The following CFAP57 variants were observed in gnomAD, a reference collection of about 807,000 sequenced individuals.
The protein encoded by CFAP57 is cilia- and flagella-associated protein 57.
A neutral mutation model predicts 146.8 loss-of-function variants in CFAP57; 116 were observed. The observed-to-expected ratio is 0.79, with a 90% CI of 0.68 to 0.92. CFAP57 has a LOEUF of 0.92. Ranked by LOEUF, CFAP57 falls within the 40% of genes least tolerant of loss-of-function variation. CFAP57 has a pLI of 0.00. For synonymous variants in CFAP57, 518 were observed against 552.8 expected (o/e 0.94, Z 0.88); for missense variants, 1,377 against 1,527.2 (o/e 0.90, Z 1.64).
At position 43,192,739 on chromosome 1, in the gene CFAP57, A is replaced by G. The variant is rs145630764; in HGVS notation, c.1123-4814A>G. On this transcript the variant is annotated intron_variant, in intron 6 of 22. Coordinates refer to ENST00000372492, the MANE Select transcript of CFAP57 (RefSeq NM_001378189.1). ...CGAGAGGTCGAGACCAGCCTGACCAACATGGCGAAACCCAGTCTCTATTAA... is the reference window on the plus strand; with the variant it reads ...CGAGAGGTCGAGACCAGCCTGACCAGCATGGCGAAACCCAGTCTCTATTAA... 5.8e-3 allele frequency among the ~76,000 whole-genome samples: 881 copies of G among 151,792 alleles called. 6 individuals carry two copies. Among genetic ancestry groups the G allele is most frequent in the African/African-American group, 0.021 (856 of 41,362 alleles).
chr1:43,183,801 C>T lies in CFAP57; in HGVS notation c.685C>T (p.Arg229Cys), dbSNP rs774485511. ...KLFLFESGDQRWETSIMVKEP... is the reference protein window; with the variant it reads ...KLFLFESGDQCWETSIMVKEP... ...CTTCCTCTTTGAATCTGGAGATCAG[C>T]GTTGGGAGACCAGCATAATGGTCAA... The change falls in exon 4 of 23, where the codon CGT (arginine) becomes TGT (cysteine). Residue 229 changes from arginine to cysteine, a missense_variant. By Grantham distance (180) the Arg-to-Cys change is radical (BLOSUM62 -3). Coordinates refer to ENST00000372492, the MANE Select transcript of CFAP57 (RefSeq NM_001378189.1). 1.9e-5 allele frequency: 30 copies of T among 1,614,184 alleles called. No homozygotes were observed. The South Asian group carries it at 2.7e-4, about 15-fold the overall frequency.
chr1:43,191,609 A>T (rs1406077484), intron 6 of CFAP57, among the ~76,000 whole-genome samples: 1 of 140,004 alleles, frequency 7.1e-6, no homozygotes, highest in Non-Finnish European at 1.6e-5. Flanking sequence ...AAAAAAAAGT[A>T]ATATTCCCTC....
At chr1:43,179,113 C>T (rs1645284620) in intron 2 of CFAP57, among the ~76,000 whole-genome samples, 1 of 151,962 alleles carries the variant, frequency 6.6e-6, no homozygotes, top group Admixed American at 6.6e-5. Context: ...GGAAAGGGAA[C>T]ATCACACACC....
intron 22 of CFAP57, chr1:43,250,492 T>C (rs548807619): frequency 6.6e-6 from 1 of 152,326 alleles, no homozygotes; most frequent in East Asian, 1.9e-4. Context: ...TCCATCCCAC[T>C]TTTCCATTCA....
At chr1:43,228,167 C>T (rs80078040) in intron 18 of CFAP57, among the ~76,000 whole-genome samples, 347 of 152,290 alleles carry the variant, frequency 2.3e-3, no homozygotes, top group African/African-American at 8.1e-3. Context: ...CCTGCGTGAT[C>T]CAGCCTCTCC....
chr1:43,223,538 T>C (rs943073139), intron 16 of CFAP57, among the ~76,000 whole-genome samples: 6 of 152,126 alleles, frequency 3.9e-5, no homozygotes, highest in Non-Finnish European at 7.4e-5. Context: ...CAACTCAGTT[T>C]CCCCAAAACA....
intron 11 of CFAP57, among the ~76,000 whole-genome samples, chr1:43,213,158 G>A (rs968801826): frequency 3.3e-5 from 5 of 151,736 alleles, no homozygotes; most frequent in East Asian, 1.9e-4. Flanking sequence ...CATGATCTCC[G>A]CTCACTGCAA....
chr1:43,222,809 C>T lies in CFAP57; in HGVS notation c.2533-15C>T. ...CCCTTCTCCCCTGACCACACGCCCA[C>T]TCTCTCTGAGCCAGGCACAGGAAGA... On this transcript the variant is annotated splice_polypyrimidine_tract_variant and intron_variant, in intron 15 of 22. Coordinates refer to ENST00000372492, the MANE Select transcript of CFAP57 (RefSeq NM_001378189.1). 2 of 1,526,766 alleles carry T rather than the reference C, an allele frequency of 1.3e-6. No individual in the cohort carries two copies. The highest frequency in any genetic ancestry group is 1.8e-6 in the Non-Finnish European group (2 of 1,135,210). 94.6% of individuals were successfully genotyped at this position (1,526,766 alleles called of 1,614,324 possible).
intron 4 of CFAP57, among the ~76,000 whole-genome samples, chr1:43,184,079 A>AT (rs1448752779): frequency 6.6e-6 from 1 of 152,180 alleles, no homozygotes; most frequent in Non-Finnish European, 1.5e-5. Flanking sequence ...AATTCTTTTT[A>AT]TTTTTTATAC....
In CFAP57 at chr1:43,185,369, G is replaced by T. The variant is rs1283021477; in HGVS notation, c.969+13G>T. 10 of 1,611,896 alleles carry T rather than the reference G, an allele frequency of 6.2e-6. No individual in the cohort carries two copies. The highest frequency in any genetic ancestry group is 1.3e-5 in the African/African-American group (1 of 74,734). On this transcript the variant is annotated intron_variant, in intron 5 of 22. Transcript: ENST00000372492. Reference sequence around the variant, plus strand: ...CAGAGAAATCAGGGTAAGGCGGGAAGAAAAAAAAGAAGTAAAATGGGGGTC... The same window carrying T: ...CAGAGAAATCAGGGTAAGGCGGGAATAAAAAAAAGAAGTAAAATGGGGGTC...
Position 43,194,698 on chromosome 1 carries a change from C to A in CFAP57, c.1123-2855C>A, listed in dbSNP as rs1643749459. ...TTTTGATCTATAAAGTTCACTAATTCTTCTGCCAGTTCAGATCTATTCTTG... is the reference window on the plus strand; with the variant it reads ...TTTTGATCTATAAAGTTCACTAATTATTCTGCCAGTTCAGATCTATTCTTG... On this transcript the variant is annotated intron_variant, in intron 6 of 22. Coordinates refer to ENST00000372492, the MANE Select transcript of CFAP57 (RefSeq NM_001378189.1). The A allele has an allele frequency of 2.6e-5, 4 of 152,218 alleles. No individual in the cohort carries two copies. The South Asian group carries it at 6.2e-4, about 24-fold the overall frequency. 9.4% of individuals were successfully genotyped at this position (152,218 alleles called of 1,614,324 possible).
At chr1:43,189,717 G>C (rs982119272) in intron 6 of CFAP57, among the ~76,000 whole-genome samples, 3 of 152,208 alleles carry the variant, frequency 2.0e-5, no homozygotes, top group Non-Finnish European at 4.4e-5. Context: ...ATTGGCTCAT[G>C]GTTCTGCAGG....
chr1:43,247,318 A>C lies in CFAP57; in HGVS notation c.3538+3959A>C, dbSNP rs2124680045. ...GAGACTACCATGTTACCCAGAGCCC[A>C]AAAAACCACATGATGAATATTTTAT... On this transcript the variant is annotated intron_variant, in intron 22 of 22. Transcript: ENST00000372492. Among the ~76,000 whole-genome samples, 3 of 152,358 alleles carry C rather than the reference A, an allele frequency of 2.0e-5. No individual in the cohort carries two copies. In the South Asian group the frequency reaches 6.2e-4, roughly 32 times the overall value.
At chr1:43,222,427 G>A in intron 15 of CFAP57, 132 bp downstream of exon 15, 1 of 764,262 alleles carries the variant, frequency 1.3e-6, no homozygotes, top group Non-Finnish European at 1.9e-6. Flanking sequence ...CTACCCCCAA[G>A]GAACTTATAT....
intron 9 of CFAP57, among the ~76,000 whole-genome samples, chr1:43,203,426 T>C (rs1644219874): frequency 6.6e-6 from 1 of 151,456 alleles, no homozygotes; most frequent in Admixed American, 6.6e-5. Context: ...GAAAAAAAAA[T>C]AAGCTAGTCT....
chr1:43,218,789 TTGTC>T (rs912275470), intron 12 of CFAP57, among the ~76,000 whole-genome samples: 2 of 152,130 alleles, frequency 1.3e-5, no homozygotes, highest in African/African-American at 4.8e-5. Context: ...AATAATGTGT[TTGTC>T]TGGCTGCCTC....
intron 6 of CFAP57, among the ~76,000 whole-genome samples, chr1:43,189,300 G>A (rs887507977): frequency 6.6e-6 from 1 of 152,132 alleles, no homozygotes; most frequent in Non-Finnish European, 1.5e-5. Context: ...GATCCTCACC[G>A]GGATTGCATT....
rs768591411 is a variant in CFAP57 at position 43,232,595 on chromosome 1, G to T, written c.3097G>T (p.Asp1033Tyr). 2 of 1,548,312 alleles carry T rather than the reference G, an allele frequency of 1.3e-6. No homozygotes were observed. Among genetic ancestry groups the T allele is most frequent in the East Asian group, 4.9e-5 (2 of 40,902 alleles). The part of the protein sequence containing the change: ...TELWQKLRAT[D>Y]QEMRRERQKE... ...ATTGTGGCAGAAACTGAGAGCCACC[G>T]ATCAGGAGATGCGCAGAGAGAGACA... The change falls in exon 19 of 23, where the codon GAT (aspartate) becomes TAT (tyrosine). Residue 1033 changes from aspartate (D) to tyrosine (Y), a missense_variant. By Grantham distance (160) the Asp-to-Tyr change is radical. Coordinates refer to ENST00000372492, the MANE Select transcript of CFAP57 (RefSeq NM_001378189.1).
chr1:43,214,769 T>C (rs1332837594), intron 11 of CFAP57, among the ~76,000 whole-genome samples: 2 of 152,222 alleles, frequency 1.3e-5, no homozygotes, highest in African/African-American at 4.8e-5. Context: ...TTTCTCTGCA[T>C]CATTGCCAGC....
Sources: gnomAD v4.1 joint callset for allele counts (sites outside exome capture counted in the v4.1 genomes callset) on GRCh38, gnomAD v4.1.1 for gene constraint, MANE v1.5 for transcripts, NCBI Gene and HGNC (gene_info 2026-07-23, HGNC 2026-07-21) for gene names.